The following SYNDIG1 variants were observed in gnomAD, a reference collection of about 807,000 sequenced individuals.
SYNDIG1 encodes synapse differentiation-inducing gene protein 1.
SYNDIG1 carries 9 observed loss-of-function variants against 19.4 expected under a neutral mutation model. The ratio of observed to expected loss-of-function variants is 0.46; its 90% CI spans 0.28 to 0.81. The LOEUF (loss-of-function observed/expected upper bound fraction) is 0.81, where lower values mean the gene tolerates loss of function less well. Among genes scored for constraint, SYNDIG1 ranks in the 30% least tolerant of loss-of-function variants. SYNDIG1 has a pLI of 0.12. For synonymous variants in SYNDIG1, 141 were observed against 145.9 expected (o/e 0.97, Z 0.24); for missense variants, 311 against 343.3 (o/e 0.91, Z 0.74).
At chr20:24,602,818 A>G (rs980228220) in intron 3 of SYNDIG1, among the ~76,000 whole-genome samples, 3 of 152,296 alleles carry the variant, frequency 2.0e-5, no homozygotes, top group Non-Finnish European at 1.5e-5. Flanking sequence ...TGTTTCCTTA[A>G]TTGTTTATAC....
At chr20:24,625,571 G>C (rs562575870) in intron 3 of SYNDIG1, among the ~76,000 whole-genome samples, 2 of 151,814 alleles carry the variant, frequency 1.3e-5, no homozygotes, top group African/African-American at 4.8e-5. Flanking sequence ...GACTCTTAAC[G>C]AGCATGCTGC....
At chr20:24,520,648 A>C (rs566273542) in intron 1 of SYNDIG1, among the ~76,000 whole-genome samples, 29 of 152,022 alleles carry the variant, frequency 1.9e-4, no homozygotes, top group African/African-American at 6.8e-4. Context: ...AGCTGAGATC[A>C]TGCCAGTGTA....
chr20:24,589,341 G>A (rs2058469361), intron 3 of SYNDIG1, among the ~76,000 whole-genome samples: 1 of 152,220 alleles, frequency 6.6e-6, no homozygotes, highest in African/African-American at 2.4e-5. Flanking sequence ...ATGGGCACAT[G>A]AGGGAAATAT....
intron 1 of SYNDIG1, among the ~76,000 whole-genome samples, chr20:24,533,555 T>C (rs2057302595): frequency 6.6e-6 from 1 of 151,254 alleles, no homozygotes; most frequent in Non-Finnish European, 1.5e-5. Context: ...GAGGAGGGGA[T>C]CCCGGGAAGC....
intron 3 of SYNDIG1, among the ~76,000 whole-genome samples, chr20:24,611,617 A>G (rs1007796908): frequency 2.8e-5 from 4 of 141,642 alleles, no homozygotes; most frequent in Admixed American, 7.2e-5. Flanking sequence ...CCCACCTTTC[A>G]TGGCCTCTCC....
Position 24,649,187 on chromosome 20 carries a change from A to T in SYNDIG1, c.619-16159A>T, listed in dbSNP as rs140367403. ...GATCAGGAGACATCCTGTTGAGGAG[A>T]TGGGCAGGGTGCCCTACAGCTGAAG... On this transcript the variant is annotated intron_variant, in intron 3 of 3. Coordinates refer to ENST00000376862, the MANE Select transcript of SYNDIG1 (RefSeq NM_024893.3). 2.6e-4 allele frequency among the ~76,000 whole-genome samples: 40 copies of T among 152,272 alleles called. 1 individual carries two copies. The East Asian group carries it at 7.7e-3, about 29-fold the overall frequency.
chr20:24,477,320 C>T (rs1042758026), intron 1 of SYNDIG1, among the ~76,000 whole-genome samples: 2 of 151,152 alleles, frequency 1.3e-5, no homozygotes, highest in African/African-American at 4.9e-5. Flanking sequence ...AGCCCGTCCT[C>T]AAACACACTG....
At chr20:24,590,015 G>T (rs368297308) in intron 3 of SYNDIG1, among the ~76,000 whole-genome samples, 4 of 152,336 alleles carry the variant, frequency 2.6e-5, no homozygotes, top group East Asian at 3.9e-4. Flanking sequence ...TAACGTGCTC[G>T]TCGCCTGCCT....
At chr20:24,614,605 AGAAG>A (rs377367934) in intron 3 of SYNDIG1, among the ~76,000 whole-genome samples, 28 of 139,048 alleles carry the variant, frequency 2.0e-4, no homozygotes, top group South Asian at 5.5e-4. Flanking sequence ...GAAAATCAAA[AGAAG>A]GAAGGAAGGG....
At chr20:24,598,945 T>G (rs1329380930) in intron 3 of SYNDIG1, among the ~76,000 whole-genome samples, 1 of 152,072 alleles carries the variant, frequency 6.6e-6, no homozygotes, top group Non-Finnish European at 1.5e-5. Flanking sequence ...GATTAATGGC[T>G]AGGACCTCAA....
chr20:24,587,570 G>A (rs149874840), intron 3 of SYNDIG1, among the ~76,000 whole-genome samples: 144 of 152,398 alleles, frequency 9.4e-4, no homozygotes, highest in Non-Finnish European at 1.5e-3. Flanking sequence ...CTGCCAAGGA[G>A]AGAGTGTGGC....
At chr20:24,638,090 T>C (rs1240970962) in intron 3 of SYNDIG1, among the ~76,000 whole-genome samples, 1 of 152,022 alleles carries the variant, frequency 6.6e-6, no homozygotes, top group African/African-American at 2.4e-5. Context: ...AAAGTGGAGG[T>C]GAATGAGTTG....
At chr20:24,560,132 G>C (rs1327607941) in intron 2 of SYNDIG1, among the ~76,000 whole-genome samples, 2 of 127,350 alleles carry the variant, frequency 1.6e-5, no homozygotes, top group East Asian at 2.4e-4. Flanking sequence ...GCAGTGGCGC[G>C]ATCTCAGCTC....
chr20:24,518,428 G>A (rs2056933791), intron 1 of SYNDIG1, among the ~76,000 whole-genome samples: 1 of 152,130 alleles, frequency 6.6e-6, no homozygotes. Flanking sequence ...AGGGATCGAG[G>A]GCAGCTTTGT....
At chr20:24,577,731 A>T (rs1275964058) in intron 2 of SYNDIG1, among the ~76,000 whole-genome samples, 1 of 152,198 alleles carries the variant, frequency 6.6e-6, no homozygotes, top group African/African-American at 2.4e-5. Flanking sequence ...CCCTGGAGCC[A>T]CCATAAATAA....
chr20:24,659,077 C>T (rs890698087), intron 3 of SYNDIG1, among the ~76,000 whole-genome samples: 45 of 152,098 alleles, frequency 3.0e-4, no homozygotes, highest in Non-Finnish European at 6.2e-4. Context: ...CAATCCCTCC[C>T]GTTCTGTACT....
chr20:24,623,276 C>T (rs1433370961), intron 3 of SYNDIG1, among the ~76,000 whole-genome samples: 1 of 151,880 alleles, frequency 6.6e-6, no homozygotes, highest in Non-Finnish European at 1.5e-5. Flanking sequence ...AAAATACTGG[C>T]AAGTTAGAAT....
At chr20:24,484,446 G>A (rs964360262) in intron 1 of SYNDIG1, among the ~76,000 whole-genome samples, 2 of 152,298 alleles carry the variant, frequency 1.3e-5, no homozygotes, top group Admixed American at 6.5e-5. Context: ...TCTAGTAAAA[G>A]ACAGGTTGCG....
intron 1 of SYNDIG1, among the ~76,000 whole-genome samples, chr20:24,495,970 G>A (rs903189068): frequency 7.2e-5 from 11 of 151,912 alleles, no homozygotes; most frequent in Admixed American, 2.6e-4. Flanking sequence ...TCAGCCTCCC[G>A]AGTAGCTGGG....
Sources: gnomAD v4.1 joint callset for allele counts (sites outside exome capture counted in the v4.1 genomes callset) on GRCh38, gnomAD v4.1.1 for gene constraint, MANE v1.5 for transcripts, NCBI Gene and HGNC (gene_info 2026-07-23, HGNC 2026-07-21) for gene names.